ZNF280D: variants seen among roughly 807,000 people sequenced by gnomAD.
The protein encoded by ZNF280D is suppressor of hairy wing homolog 4.
A neutral mutation model predicts 94.7 loss-of-function variants in ZNF280D; 39 were observed. The observed-to-expected ratio is 0.41, with a 90% confidence interval of 0.32 to 0.54. The LOEUF (loss-of-function observed/expected upper bound fraction) is 0.54, where lower values mean the gene tolerates loss of function less well. Among genes scored for constraint, ZNF280D ranks in the 20% least tolerant of loss-of-function variants. ZNF280D has a pLI of 0.22. For synonymous variants in ZNF280D, 398 were observed against 377.6 expected, an observed-to-expected ratio of 1.05 and a Z score of -0.63; for missense variants, 1,090 against 1,149.3, an observed-to-expected ratio of 0.95 and a Z score of 0.75.
intron 1 of ZNF280D, among the ~76,000 whole-genome samples, chr15:56,732,401 G>C (rs1200312117): frequency 6.6e-6 from 1 of 152,208 alleles, no homozygotes; most frequent in Non-Finnish European, 1.5e-5. Flanking sequence ...AAGCAAACCA[G>C]TGCCTTCCCT....
At chr15:56,668,756 T>G in intron 14 of ZNF280D, 67 bp downstream of exon 14, 3 of 1,392,350 alleles carry the variant, frequency 2.2e-6, no homozygotes, top group Admixed American at 5.2e-5. Context: ...ATTCAATATA[T>G]AAAGCCGGGC....
At chr15:56,706,404 G>A (rs2057405373) in intron 3 of ZNF280D, among the ~76,000 whole-genome samples, 1 of 151,830 alleles carries the variant, frequency 6.6e-6, no homozygotes, top group African/African-American at 2.4e-5. Context: ...CTTGAGCCCA[G>A]GAAGAGGAGG....
intron 9 of ZNF280D, among the ~76,000 whole-genome samples, chr15:56,687,171 A>G (rs1392380741): frequency 6.6e-6 from 1 of 152,150 alleles, no homozygotes; most frequent in East Asian, 1.9e-4. Context: ...TTTCCTTATG[A>G]TATAAACACA....
rs139960585 is a variant in ZNF280D, at chr15:56,701,824, T to C, written c.176-586A>G. Among the ~76,000 whole-genome samples, 239 of 152,220 alleles carry C rather than the reference T, an allele frequency of 1.6e-3. 1 individual carries two copies. Among genetic ancestry groups the C allele is most frequent in the African/African-American group, 2.4e-3 (99 of 41,550 alleles). ...ACTAAAGTGAACCAATAGTTCATCA[T>C]AGCATTTTATTAGTTAAGAGGTTTC... On this transcript the variant is annotated intron_variant, in intron 4 of 21. Coordinates refer to ENST00000267807, the MANE Select transcript of ZNF280D (RefSeq NM_017661.4).
chr15:56,726,049 T>G (rs2058617506), intron 1 of ZNF280D, among the ~76,000 whole-genome samples: 1 of 152,106 alleles, frequency 6.6e-6, no homozygotes, highest in Non-Finnish European at 1.5e-5. Context: ...AGGGTTCCAA[T>G]TAATAATTTT....
intron 1 of ZNF280D, among the ~76,000 whole-genome samples, chr15:56,710,374 C>T (rs2057692382): frequency 6.6e-6 from 1 of 151,892 alleles, no homozygotes; most frequent in South Asian, 2.1e-4. Flanking sequence ...CACCACTGTA[C>T]TCCAGCCTGG....
chr15:56,659,298 T>G (rs1199553001), intron 16 of ZNF280D, among the ~76,000 whole-genome samples: 1 of 151,922 alleles, frequency 6.6e-6, no homozygotes, highest in African/African-American at 2.4e-5. Flanking sequence ...CCTTTTTAAT[T>G]CCAGTAAGGA....
chr15:56,712,594 C>CAA (rs1171267893), intron 1 of ZNF280D, among the ~76,000 whole-genome samples: 3,248 of 74,858 alleles, frequency 0.043, 55 homozygotes, highest in Non-Finnish European at 0.046. Context: ...ACCCTCATAC[C>CAA]AAAAAAAAAA....
intron 1 of ZNF280D, among the ~76,000 whole-genome samples, chr15:56,711,246 C>G: frequency 6.6e-6 from 1 of 152,218 alleles, no homozygotes; most frequent in Non-Finnish European, 1.5e-5. Flanking sequence ...TAAAAATAGA[C>G]TTATGTCATT....
chr15:56,669,526 C>A (rs1263536519), intron 13 of ZNF280D, among the ~76,000 whole-genome samples: 4 of 151,660 alleles, frequency 2.6e-5, no homozygotes, highest in Non-Finnish European at 5.9e-5. Context: ...GGTTATTGAG[C>A]ACCTGAAATG....
intron 19 of ZNF280D, among the ~76,000 whole-genome samples, chr15:56,649,010 G>A (rs1197652829): frequency 6.6e-6 from 1 of 151,930 alleles, no homozygotes; most frequent in African/African-American, 2.4e-5. Flanking sequence ...ACAAAGAGCA[G>A]AATAATCATT....
chr15:56,639,874 C>G (rs1475981239), intron 20 of ZNF280D, among the ~76,000 whole-genome samples: 1 of 151,966 alleles, frequency 6.6e-6, no homozygotes, highest in East Asian at 1.9e-4. Context: ...CTTGACATAA[C>G]AAAACTAAGC....
At chr15:56,714,781 G>A (rs2057948795) in intron 1 of ZNF280D, among the ~76,000 whole-genome samples, 1 of 152,092 alleles carries the variant, frequency 6.6e-6, no homozygotes, top group Non-Finnish European at 1.5e-5. Context: ...AATTCTCCAA[G>A]TTAGTGAGCT....
rs1208575918 is a variant in ZNF280D, at chr15:56,733,493, A to C, written c.-121T>G. On this transcript the variant is annotated 5_prime_UTR_variant, in exon 1 of 22. Coordinates refer to ENST00000267807, the MANE Select transcript of ZNF280D (RefSeq NM_017661.4). ...GCGGATCGGCCTGACTGGAGCCCTG[A>C]GGAGGAGGAGAAAGAGGAGGAGGAA... 2.6e-6 allele frequency: 3 copies of C among 1,135,646 alleles called. No individual in the cohort carries two copies. The highest frequency in any genetic ancestry group is 1.8e-4 in the East Asian group (2 of 11,136). The allele number at this position is 1,135,646 out of a possible 1,614,324, so 70.3% of individuals were successfully genotyped here.
rs1443118137 is a variant in ZNF280D, at chr15:56,730,705, T to C, written c.-86+2753A>G. ...CTCCCTAGGCTCTGATGCCAACACA[T>C]AGAAGCATTCCAAGTTCCCTAAAGT... On this transcript the variant is annotated intron_variant, in intron 1 of 21. Coordinates refer to ENST00000267807, the MANE Select transcript of ZNF280D (RefSeq NM_017661.4). 5.9e-5 allele frequency: 9 copies of C among 152,218 alleles called. No individual in the cohort carries two copies. In the East Asian group the frequency reaches 1.2e-3, roughly 20 times the overall value. The allele number at this position is 152,218 out of a possible 1,614,324, so 9.4% of individuals were successfully genotyped here.
chr15:56,728,326 C>T (rs2058728212), intron 1 of ZNF280D, among the ~76,000 whole-genome samples: 1 of 152,184 alleles, frequency 6.6e-6, no homozygotes, highest in Admixed American at 6.5e-5. Flanking sequence ...GGCCTTGATA[C>T]AACGCTTAAG....
Position 56,733,448 on chromosome 15 carries a change from G to A in ZNF280D, c.-86+10C>T, listed in dbSNP as rs1287746837. On this transcript the variant is annotated intron_variant, in intron 1 of 21. Transcript: ENST00000267807. ...CAGCGCAGGGCGGGCGGGGGCGGGG[G>A]GGCGCTTACCGTGAGCGGAGCGGAT... 2 of 1,063,818 alleles carry A rather than the reference G, an allele frequency of 1.9e-6. No homozygotes were observed. Among genetic ancestry groups the A allele is most frequent in the South Asian group, 4.8e-5 (2 of 41,408 alleles). The allele number at this position is 1,063,818 out of a possible 1,614,324, so 65.9% of individuals were successfully genotyped here. A position where few individuals can be genotyped will look rare whatever the true frequency, so the allele number is the denominator to read the frequency against.
At chr15:56,730,152 T>C (rs2058818531) in intron 1 of ZNF280D, 1 of 152,178 alleles carries the variant, frequency 6.6e-6, no homozygotes, top group Admixed American at 6.5e-5. Flanking sequence ...AGAGAATCCT[T>C]AAAATTGCTC....
chr15:56,690,106 G>A (rs2056338571), intron 7 of ZNF280D, among the ~76,000 whole-genome samples: 1 of 152,184 alleles, frequency 6.6e-6, no homozygotes, highest in African/African-American at 2.4e-5. Flanking sequence ...ACATAGGCCA[G>A]GCACGGTGGC....
Sources: gnomAD v4.1 joint callset for allele counts (sites outside exome capture counted in the v4.1 genomes callset) on GRCh38, gnomAD v4.1.1 for gene constraint, MANE v1.5 for transcripts, NCBI Gene and HGNC (gene_info 2026-07-23, HGNC 2026-07-21) for gene names.